IL10RA: variants seen among roughly 807,000 people sequenced by gnomAD.
IL10RA encodes interleukin 10 receptor subunit alpha, also known as interleukin-10 receptor subunit alpha.
In IL10RA, 18 loss-of-function variants were observed where a neutral mutation model predicts 29.6. That is an observed-to-expected ratio of 0.61 (90% CI 0.42 to 0.90). IL10RA has a LOEUF of 0.90. Among genes scored for constraint, IL10RA ranks in the 40% least tolerant of loss-of-function variants. The probability of loss-of-function intolerance (pLI) is 0.00; values close to 1 mark genes in which losing one functional copy is unlikely to be tolerated. For synonymous variants in IL10RA, 292 were observed against 294.1 expected (o/e 0.99, Z 0.07); for missense variants, 634 against 716.6 (o/e 0.88, Z 1.32).
intron 3 of IL10RA, 154 bp from the exon 4 acceptor site, chr11:117,993,087 C>T (rs1162179985): frequency 1.5e-6 from 1 of 679,702 alleles, no homozygotes; most frequent in Non-Finnish European, 2.7e-6. Context: ...CCCAAGAAGT[C>T]CTTACATTCT....
chr11:117,993,734 C>T (rs917985416), intron 4 of IL10RA, among the ~76,000 whole-genome samples: 9 of 152,254 alleles, frequency 5.9e-5, no homozygotes, highest in African/African-American at 1.9e-4. Context: ...AATCCACCCT[C>T]TCTCCTCTCC....
rs552729175 is a variant in IL10RA at position 117,989,738 on chromosome 11, G to A, written c.367+118G>A. On this transcript the variant is annotated intron_variant, in intron 3 of 6. Coordinates refer to ENST00000227752, the MANE Select transcript of IL10RA (RefSeq NM_001558.4). This position sits in a 1 kb window ranked among gnomAD's most constrained non-coding sequence, Gnocchi z 4.5. ...ACCATGTCTGCCAGCCTCCCTGGCC[G>A]GAGAACTAGTTGCCCAAACAGGGCA... is the stretch of plus-strand genomic sequence containing the variant. The A allele has an allele frequency of 6.6e-5, 71 of 1,070,506 alleles. 2 individuals carry two copies. The highest frequency in any genetic ancestry group is 5.5e-4 in the South Asian group (41 of 74,894). The allele number at this position is 1,070,506 out of a possible 1,614,324, so 66.3% of individuals were successfully genotyped here.
chr11:118,002,891 C>A (rs1191739914), downstream of IL10RA: 1 of 152,228 alleles, frequency 6.6e-6, no homozygotes, highest in Non-Finnish European at 1.5e-5. Context: ...TGAGCAATCT[C>A]CTTCAAGGGC....
intron 5 of IL10RA, 120 bp from the exon 6 acceptor site, chr11:117,995,469 G>A: frequency 1.5e-6 from 2 of 1,314,310 alleles, no homozygotes; most frequent in South Asian, 2.4e-5. Flanking sequence ...AGTTTGCCTT[G>A]GGCCACTCAC....
intron 3 of IL10RA, among the ~76,000 whole-genome samples, chr11:117,992,171 G>C (rs1217306947): frequency 6.6e-6 from 1 of 152,178 alleles, no homozygotes; most frequent in Admixed American, 6.5e-5. Context: ...GGGGATACAG[G>C]TATCTCTTCA....
rs1431548312 is a variant in IL10RA at position 117,989,279 on chromosome 11, G to A, written c.189-163G>A. On this transcript the variant is annotated intron_variant, in intron 2 of 6. Transcript: ENST00000227752. This position sits in a 1 kb window ranked among gnomAD's most constrained non-coding sequence, Gnocchi z 4.5. ...TTGGTACGGGGTCCCAAGACCAAGGGAGACCCCTCACAATGAGCTGCCGTG... is the reference window on the plus strand; with the variant it reads ...TTGGTACGGGGTCCCAAGACCAAGGAAGACCCCTCACAATGAGCTGCCGTG... Among the ~76,000 whole-genome samples, 2 of 152,242 alleles carry A rather than the reference G, an allele frequency of 1.3e-5. No individual in the cohort carries two copies. Among genetic ancestry groups the A allele is most frequent in the Non-Finnish European group, 2.9e-5 (2 of 68,040 alleles).
intron 1 of IL10RA, chr11:117,986,768 AC>A (rs1277781744): frequency 6.5e-7 from 1 of 1,529,042 alleles, no homozygotes; most frequent in Non-Finnish European, 8.7e-7. Context: ...GCAAGGCCAA[AC>A]CCCCAACCCG....
chr11:117,995,283 C>A, intron 5 of IL10RA: 1 of 422,716 alleles, frequency 2.4e-6, no homozygotes, highest in Non-Finnish European at 4.5e-6. Flanking sequence ...GCCCCCGGAG[C>A]CTCGATTCTT....
rs1349415688 is a variant in IL10RA at position 117,986,770 on chromosome 11, C to T, written c.67+236C>T. On this transcript the variant is annotated intron_variant, in intron 1 of 6. Transcript: ENST00000227752. The stretch of plus-strand genomic sequence containing the variant: ...TAGAGAAGTATGCGCAAGGCCAAAC[C>T]CCCAACCCGCAAACCTCATCATCCA... 3 of 1,529,752 alleles carry T rather than the reference C, an allele frequency of 2.0e-6. No individual in the cohort carries two copies. In the East Asian group the frequency reaches 7.4e-5, roughly 38 times the overall value. The allele number at this position is 1,529,752 out of a possible 1,614,324, so 94.8% of individuals were successfully genotyped here.
chr11:117,986,778 C>T, intron 1 of IL10RA: 2 of 1,528,052 alleles, frequency 1.3e-6, no homozygotes, highest in South Asian at 1.2e-5. Context: ...ACCCCCAACC[C>T]GCAAACCTCA....
Position 117,999,739 on chromosome 11 carries a change from TG to T in IL10RA, c.*101del. 1 of 1,141,936 alleles carries T rather than the reference TG, an allele frequency of 8.8e-7. No individual in the cohort carries two copies. The highest frequency in any genetic ancestry group is 1.3e-6 in the Non-Finnish European group (1 of 772,226). The allele number at this position is 1,141,936 out of a possible 1,614,324, so 70.7% of individuals were successfully genotyped here. A position where few individuals can be genotyped will look rare whatever the true frequency, so the allele number is the denominator to read the frequency against. ...GGCAGAAGTTAGGCACGAGGCAGTCTGGGCACTTTTCTGCAAGTCCACTGGG... is the reference window on the plus strand; with the variant it reads ...GGCAGAAGTTAGGCACGAGGCAGTCTGGCACTTTTCTGCAAGTCCACTGGG... On this transcript the variant is annotated 3_prime_UTR_variant, in exon 7 of 7. Coordinates refer to ENST00000227752, the MANE Select transcript of IL10RA (RefSeq NM_001558.4).
rs2058082929 is a variant in IL10RA at position 117,999,814 on chromosome 11, G to C, written c.*173G>C. The C allele has an allele frequency of 1.4e-6, 1 of 709,708 alleles. No individual in the cohort carries two copies. Among genetic ancestry groups the C allele is most frequent in the East Asian group, 2.7e-5 (1 of 37,408 alleles). The allele number at this position is 709,708 out of a possible 1,614,324, so 44.0% of individuals were successfully genotyped here. On this transcript the variant is annotated 3_prime_UTR_variant, in exon 7 of 7. Coordinates refer to ENST00000227752, the MANE Select transcript of IL10RA (RefSeq NM_001558.4). ...GGGCTGGTCAGGGTGTCTGGGGCAGGAGGAGGCCAACTCACTGAACTAGTG... is the reference window on the plus strand; with the variant it reads ...GGGCTGGTCAGGGTGTCTGGGGCAGCAGGAGGCCAACTCACTGAACTAGTG...
chr11:117,994,662 C>T lies in IL10RA; in HGVS notation c.688+513C>T, dbSNP rs983275412. On this transcript the variant is annotated intron_variant, in intron 5 of 6. Coordinates refer to ENST00000227752, the MANE Select transcript of IL10RA (RefSeq NM_001558.4). ...GAGATAATAGAGGACATGGAGGCCA[C>T]GGTCTTGCCTAGGAGGATCTTGCAT... Among the ~76,000 whole-genome samples, 16 of 152,168 alleles carry T rather than the reference C, an allele frequency of 1.1e-4. No individual in the cohort carries two copies. In the South Asian group the frequency reaches 1.7e-3, roughly 16 times the overall value.
chr11:117,995,492 G>T, intron 5 of IL10RA, 97 bp from the exon 6 acceptor site: 1 of 1,524,308 alleles, frequency 6.6e-7, no homozygotes, highest in South Asian at 1.1e-5. Flanking sequence ...AATGGTTCCT[G>T]ACAGTGGGCA....
chr11:117,993,957 G>T, intron 4 of IL10RA, 42 bp from the exon 5 acceptor site: 1 of 1,587,712 alleles, frequency 6.3e-7, no homozygotes, highest in Non-Finnish European at 8.6e-7. Flanking sequence ...CGTGTGCCAT[G>T]AAATAAAAGG....
At position 117,998,957 on chromosome 11, in the gene IL10RA, G is replaced by A. The variant is rs1255893000; in HGVS notation, c.1053G>A (p.Arg351=). ...AGGCTGACAGAACGCTGGGAAACAG[G>A]GAGCCCCCTGTGCTGGGGGACAGCT... ...HPQADRTLGN[R]EPPVLGDSCS... is the part of the protein sequence containing the mutation. Residue 351 remains arginine (R), a synonymous_variant, in exon 7 of 7, where the codon AGG becomes AGA. Coordinates refer to ENST00000227752, the MANE Select transcript of IL10RA (RefSeq NM_001558.4). 4 of 1,613,396 alleles carry A rather than the reference G, an allele frequency of 2.5e-6. No homozygotes were observed. The highest frequency in any genetic ancestry group is 3.4e-6 in the Non-Finnish European group (4 of 1,179,576).
intron 6 of IL10RA, among the ~76,000 whole-genome samples, chr11:117,997,520 C>T (rs1379451723): frequency 3.3e-5 from 5 of 152,164 alleles, no homozygotes; most frequent in Admixed American, 1.3e-4. Context: ...AGGGACTCAA[C>T]CAATAAGAGC....
intron 6 of IL10RA, among the ~76,000 whole-genome samples, chr11:117,997,820 G>A: frequency 6.6e-6 from 1 of 152,164 alleles, no homozygotes; most frequent in Non-Finnish European, 1.5e-5. Flanking sequence ...GAGAGTGGCA[G>A]GAGTACTGCT....
At chr11:117,988,312 C>A in intron 1 of IL10RA, 70 bp from the exon 2 acceptor site, 2 of 1,604,390 alleles carry the variant, frequency 1.2e-6, no homozygotes, top group Non-Finnish European at 1.7e-6. Flanking sequence ...TCCCTTTCTT[C>A]TTTGGTAAAA....
Sources: gnomAD v4.1 joint callset for allele counts (sites outside exome capture counted in the v4.1 genomes callset) on GRCh38, gnomAD v4.1.1 for gene constraint, Gnocchi (gnomAD v3.1) non-coding constraint, MANE v1.5 for transcripts, NCBI Gene and HGNC (gene_info 2026-07-23, HGNC 2026-07-21) for gene names.